The following FER1L6 variants were observed in gnomAD, a reference collection of about 807,000 sequenced individuals.
FER1L6 encodes the protein fer-1 like family member 6.
Under a neutral mutation model 219.2 loss-of-function variants are expected in FER1L6, and 177 were observed. That is an observed-to-expected ratio of 0.81 (90% CI 0.71 to 0.91). The LOEUF (loss-of-function observed/expected upper bound fraction) is 0.91, where lower values mean the gene tolerates loss of function less well. FER1L6 is among the 40% of genes least tolerant of loss of function. FER1L6 has a pLI of 0.00. For missense variants in FER1L6, 2,153 were observed against 2,259.9 expected, an observed-to-expected ratio of 0.95 and a Z score of 0.96; for synonymous variants, 768 against 824.3, an observed-to-expected ratio of 0.93 and a Z score of 1.17.
chr8:123,921,427 C>A (rs1258857238), intron 1 of FER1L6, among the ~76,000 whole-genome samples: 1 of 152,082 alleles, frequency 6.6e-6, no homozygotes, highest in African/African-American at 2.4e-5. Context: ...TGCAGTCGTG[C>A]CATCTTGCCT....
At chr8:124,041,406 C>T (rs1023310064) in intron 20 of FER1L6, among the ~76,000 whole-genome samples, 1 of 152,214 alleles carries the variant, frequency 6.6e-6, no homozygotes, top group African/African-American at 2.4e-5. Flanking sequence ...ATAGAGTAGA[C>T]TGCATTTTGA....
intron 1 of FER1L6, among the ~76,000 whole-genome samples, chr8:123,923,888 C>T (rs1322400267): frequency 2.7e-5 from 4 of 145,470 alleles, no homozygotes; most frequent in South Asian, 2.2e-4. Context: ...TGCAGTGAGC[C>T]GAGATCACGC....
intron 1 of FER1L6, among the ~76,000 whole-genome samples, chr8:123,950,038 A>T (rs749860097): frequency 3.5e-4 from 54 of 152,144 alleles, no homozygotes; most frequent in Admixed American, 1.4e-3. Context: ...TGTTTAGGAG[A>T]GTGGAGAGCA....
Position 124,010,684 on chromosome 8 carries a change from C to T in FER1L6, c.1791C>T (p.Ser597=), listed in dbSNP as rs1817881239. Residue 597 remains serine (S), a synonymous_variant, in exon 14 of 41, where the codon TCC becomes TCT. Transcript: ENST00000522917. ...ACCAGACCTTCAGGCTGCACTGGTC[C>T]AACATGCTGGAGAAAATGGCAGACT... is the stretch of plus-strand genomic sequence containing the variant. ...WGDQTFRLHW[S]NMLEKMADFL... is the part of the protein sequence containing the mutation. 6.2e-7 allele frequency: 1 copy of T among 1,613,738 alleles called. No homozygotes were observed. Among genetic ancestry groups the T allele is most frequent in the African/African-American group, 1.3e-5 (1 of 75,020 alleles).
chr8:123,914,981 T>C (rs935595997), intron 1 of FER1L6, among the ~76,000 whole-genome samples: 1 of 152,156 alleles, frequency 6.6e-6, no homozygotes, highest in Non-Finnish European at 1.5e-5. Flanking sequence ...TGCTAATGTT[T>C]TCAATATTAA....
intron 25 of FER1L6, among the ~76,000 whole-genome samples, chr8:124,062,447 C>G (rs1820629364): frequency 6.6e-6 from 1 of 152,178 alleles, no homozygotes; most frequent in Non-Finnish European, 1.5e-5. Flanking sequence ...TATTCCTTAT[C>G]TCTAATCCCA....
chr8:124,114,492 C>G (rs539539364), intron 39 of FER1L6, among the ~76,000 whole-genome samples: 3 of 152,084 alleles, frequency 2.0e-5, no homozygotes, highest in Admixed American at 6.6e-5. Context: ...AAAAACCAAC[C>G]AACCAAAGAA....
At chr8:123,874,684 C>T (rs188985432) in intron 1 of FER1L6, among the ~76,000 whole-genome samples, 68 of 152,258 alleles carry the variant, frequency 4.5e-4, no homozygotes, top group Non-Finnish European at 8.7e-4. Context: ...CTAAGTCAAT[C>T]CCCTCTGTAT....
rs139562954 is a variant in FER1L6, at chr8:124,044,039, G to C, written c.2590-1728G>C. Among the ~76,000 whole-genome samples the C allele has an allele frequency of 3.2e-3, 485 of 152,248 alleles. 4 individuals carry two copies. Among genetic ancestry groups the C allele is most frequent in the South Asian group, 7.7e-3 (37 of 4,820 alleles). ...ATGAATGAGTGAATGAACAAATGCT[G>C]GTCTCTGGAATCTTATTAAGTGGTA... On this transcript the variant is annotated intron_variant, in intron 20 of 40. Coordinates refer to ENST00000522917, the MANE Select transcript of FER1L6 (RefSeq NM_001039112.2).
intron 1 of FER1L6, among the ~76,000 whole-genome samples, chr8:123,914,963 G>A (rs1430829850): frequency 6.6e-6 from 1 of 151,706 alleles, no homozygotes; most frequent in Non-Finnish European, 1.5e-5. Context: ...ATCACTGGAG[G>A]TAATTATTGC....
intron 1 of FER1L6, among the ~76,000 whole-genome samples, chr8:123,923,891 G>T (rs572013935): frequency 7.0e-6 from 1 of 142,938 alleles, no homozygotes; most frequent in Non-Finnish European, 1.5e-5. Context: ...AGTGAGCCGA[G>T]ATCACGCCCC....
intron 4 of FER1L6, 38 bp downstream of exon 4, chr8:123,966,099 G>A (rs549294045): frequency 6.2e-7 from 1 of 1,613,674 alleles, no homozygotes; most frequent in South Asian, 1.1e-5. Context: ...CTCCCCCAGT[G>A]CTTCCTGTGT....
At chr8:124,053,561 G>A (rs1166560206) in intron 22 of FER1L6, among the ~76,000 whole-genome samples, 1 of 152,180 alleles carries the variant, frequency 6.6e-6, no homozygotes, top group Non-Finnish European at 1.5e-5. Context: ...TTTCATTTGT[G>A]GATGTCTGGC....
rs369583282 is a variant in FER1L6 at position 124,071,625 on chromosome 8, T to A, written c.4086T>A (p.Ile1362=). The change falls in exon 31 of 41, where the codon ATT becomes ATA. Residue 1362 remains isoleucine (I), a synonymous_variant. Coordinates refer to ENST00000522917, the MANE Select transcript of FER1L6 (RefSeq NM_001039112.2). ...TCACAGTGCTGATCAGAGTATACAT[T>A]GTCGCGGTGAGCCATTCTTGTTTGC... ...HPVTVLIRVY[I]VAAFNLSPAD... is the part of the protein sequence containing the mutation. 1 of 1,612,624 alleles carries A rather than the reference T, an allele frequency of 6.2e-7. No individual in the cohort carries two copies.
At chr8:123,937,760 C>T (rs1814066582) in intron 1 of FER1L6, among the ~76,000 whole-genome samples, 1 of 152,038 alleles carries the variant, frequency 6.6e-6, no homozygotes, top group Non-Finnish European at 1.5e-5. Flanking sequence ...AATAAACTTG[C>T]TTCACTTTTT....
rs1037985347 is a variant in FER1L6 at position 124,017,724 on chromosome 8, T to C, written c.2013+6T>C. The C allele has an allele frequency of 1.2e-6, 2 of 1,609,458 alleles. No individual in the cohort carries two copies. The highest frequency in any genetic ancestry group is 2.7e-5 in the African/African-American group (2 of 74,774). On this transcript the variant is annotated splice_donor_region_variant and intron_variant, in intron 16 of 40. Transcript: ENST00000522917. Reference sequence around the variant, plus strand: ...CGCTCTGCTGGCAGGAGCTGGTATGTGAAAATCTATTTATACTTTGTGGAC... The same window carrying C: ...CGCTCTGCTGGCAGGAGCTGGTATGCGAAAATCTATTTATACTTTGTGGAC...
rs112516450 is a variant in FER1L6 at position 123,872,040 on chromosome 8, C to T, written c.-8+19855C>T. On this transcript the variant is annotated intron_variant, in intron 1 of 40. Transcript: ENST00000522917. ...ACACAGGTATTTGCTTCTGGAGAGG[C>T]CTCAGGAAGCTTCCAAACATGGCAG... Among the ~76,000 whole-genome samples the T allele has an allele frequency of 8.7e-3, 1,317 of 152,178 alleles. 9 individuals are homozygous for T. Among genetic ancestry groups the T allele is most frequent in the Middle Eastern group, 0.014 (4 of 294 alleles).
At chr8:124,084,252 CTT>C (rs1160293070) in intron 33 of FER1L6, among the ~76,000 whole-genome samples, 2 of 149,336 alleles carry the variant, frequency 1.3e-5, no homozygotes, top group African/African-American at 5.0e-5. Flanking sequence ...CCCTTTATTT[CTT>C]TGTCTTATCT....
chr8:123,988,883 G>A (rs1816719887), intron 12 of FER1L6, among the ~76,000 whole-genome samples: 1 of 152,106 alleles, frequency 6.6e-6, no homozygotes, highest in Non-Finnish European at 1.5e-5. Context: ...GGATGAAAGT[G>A]GGCATCTTTT....
Sources: allele counts gnomAD v4.1 joint callset (sites outside exome capture counted in the v4.1 genomes callset), GRCh38; gene constraint gnomAD v4.1.1; transcripts MANE v1.5; gene names NCBI Gene and HGNC (gene_info 2026-07-23, HGNC 2026-07-21).